The following SH3GL2 variants were observed in gnomAD, a reference collection of about 807,000 sequenced individuals.
The protein encoded by SH3GL2 is SH3 domain containing GRB2 like 2, endophilin A1.
Under a neutral mutation model 46.0 loss-of-function variants are expected in SH3GL2, and 24 were observed. The ratio of observed to expected loss-of-function variants is 0.52; its 90% CI spans 0.38 to 0.73. SH3GL2 has a LOEUF of 0.73. Ranked by LOEUF, SH3GL2 falls within the 30% of genes least tolerant of loss-of-function variation. The probability of loss-of-function intolerance (pLI) is 0.00; values close to 1 mark genes in which losing one functional copy is unlikely to be tolerated. For missense variants in SH3GL2, 413 were observed against 424.2 expected (o/e 0.97, Z 0.23); for synonymous variants, 196 against 147.1 (o/e 1.33, Z -2.40).
At chr9:17,581,431 C>T (rs969186108) in intron 1 of SH3GL2, among the ~76,000 whole-genome samples, 1 of 152,174 alleles carries the variant, frequency 6.6e-6, no homozygotes, top group Non-Finnish European at 1.5e-5. Flanking sequence ...AGTCTCTTAT[C>T]CATAATTTAG....
At chr9:17,676,672 T>C (rs78374518) in intron 1 of SH3GL2, among the ~76,000 whole-genome samples, 50 of 152,304 alleles carry the variant, frequency 3.3e-4, no homozygotes, top group African/African-American at 1.2e-3. Flanking sequence ...TACATAATTA[T>C]GCATCCCTGA....
chr9:17,605,068 G>A (rs1384306047), intron 1 of SH3GL2, among the ~76,000 whole-genome samples: 1 of 151,442 alleles, frequency 6.6e-6, no homozygotes, highest in Non-Finnish European at 1.5e-5. Context: ...AACTTCCTGG[G>A]CTCAAGTGAT....
At chr9:17,769,964 G>A (rs554036472) in intron 3 of SH3GL2, among the ~76,000 whole-genome samples, 1 of 152,234 alleles carries the variant, frequency 6.6e-6, no homozygotes, top group African/African-American at 2.4e-5. Flanking sequence ...CCAGTTCCTA[G>A]CACAGAGTTT....
At chr9:17,750,830 G>T (rs1257228932) in intron 2 of SH3GL2, among the ~76,000 whole-genome samples, 15 of 152,294 alleles carry the variant, frequency 9.8e-5, no homozygotes, top group Non-Finnish European at 1.5e-5. Context: ...GTGCCTCCAT[G>T]TTAAGGCAGT....
At chr9:17,744,705 A>G (rs1475879412) in intron 1 of SH3GL2, among the ~76,000 whole-genome samples, 1 of 152,056 alleles carries the variant, frequency 6.6e-6, no homozygotes, top group African/African-American at 2.4e-5. Flanking sequence ...CCCGCACCCA[A>G]TTTCTAGTTT....
intron 1 of SH3GL2, among the ~76,000 whole-genome samples, chr9:17,622,984 T>TCCTTTC (rs1186758217): frequency 8.6e-4 from 65 of 75,722 alleles, no homozygotes; most frequent in African/African-American, 2.6e-3. Context: ...TCGTTTCCTT[T>TCCTTTC]CGTTTCCTTT....
In SH3GL2 at chr9:17,703,116, A is replaced by G. The variant is rs1343172535; in HGVS notation, c.46-43950A>G. ...TCAAGCTCTTGAAGGAGGATTCAAC[A>G]GAGATGAAATGTGGAGGTAGTAGTA... is the stretch of plus-strand genomic sequence containing the variant. On this transcript the variant is annotated intron_variant, in intron 1 of 8. Transcript: ENST00000380607. 2.0e-5 allele frequency among the ~76,000 whole-genome samples: 3 copies of G among 152,064 alleles called. No individual in the cohort carries two copies. In the East Asian group the frequency reaches 5.8e-4, roughly 29 times the overall value.
Position 17,618,568 on chromosome 9 carries a change from A to G in SH3GL2, c.45+39281A>G, listed in dbSNP as rs189209825. ...TAAAACCTTGCCTGTGTTGATGTAA[A>G]GGTATTTATAGTCTTTATTTACCTG... On this transcript the variant is annotated intron_variant, in intron 1 of 8. Coordinates refer to ENST00000380607, the MANE Select transcript of SH3GL2 (RefSeq NM_003026.5). Among the ~76,000 whole-genome samples the G allele has an allele frequency of 5.7e-3, 874 of 152,260 alleles. 6 individuals are homozygous for G. Among genetic ancestry groups the G allele is most frequent in the Non-Finnish European group, 9.6e-3 (656 of 68,024 alleles).
chr9:17,679,108 A>G (rs575980634), intron 1 of SH3GL2, among the ~76,000 whole-genome samples: 1,873 of 152,082 alleles, frequency 0.012, 40 homozygotes, highest in African/African-American at 0.042. Context: ...TTGACTTGGC[A>G]ATGCGGGCTC....
rs148411387 is a variant in SH3GL2, at chr9:17,777,146, T to C, written c.188-9235T>C. ...TCTCATGCTTGTGTGCTTATGGAAATAAAGCATTTAGTCAGTAAAATATTG... is the reference window on the plus strand; with the variant it reads ...TCTCATGCTTGTGTGCTTATGGAAACAAAGCATTTAGTCAGTAAAATATTG... On this transcript the variant is annotated intron_variant, in intron 3 of 8. Transcript: ENST00000380607. Among the ~76,000 whole-genome samples the C allele has an allele frequency of 1.4e-3, 209 of 152,268 alleles. 1 individual carries two copies. The highest frequency in any genetic ancestry group is 5.0e-3 in the African/African-American group (206 of 41,556).
intron 1 of SH3GL2, among the ~76,000 whole-genome samples, chr9:17,737,554 A>C (rs1822377004): frequency 6.6e-6 from 1 of 152,046 alleles, no homozygotes; most frequent in African/African-American, 2.4e-5. Context: ...ACTGACTCTG[A>C]AATGATTGTT....
chr9:17,772,726 T>A (rs1357459342), intron 3 of SH3GL2, among the ~76,000 whole-genome samples: 1 of 152,204 alleles, frequency 6.6e-6, no homozygotes, highest in African/African-American at 2.4e-5. Context: ...TAGTGCAATT[T>A]TTATATAGAT....
intron 1 of SH3GL2, among the ~76,000 whole-genome samples, chr9:17,701,565 T>C (rs1266736536): frequency 1.3e-5 from 2 of 152,124 alleles, no homozygotes; most frequent in East Asian, 3.9e-4. Flanking sequence ...CCTAGAAAAC[T>C]TTATGGGAGC....
At chr9:17,692,536 C>G (rs1320896807) in intron 1 of SH3GL2, among the ~76,000 whole-genome samples, 1 of 151,694 alleles carries the variant, frequency 6.6e-6, no homozygotes, top group Non-Finnish European at 1.5e-5. Flanking sequence ...GTCCCAGCTA[C>G]TGGGAGGCTG....
In SH3GL2 at chr9:17,793,400, A is replaced by G. The variant is rs375414752; in HGVS notation, c.762A>G (p.Glu254=). 1,427 of 1,612,998 alleles carry G rather than the reference A, an allele frequency of 8.8e-4. 17 individuals carry two copies. The South Asian group carries it at 0.013, about 15-fold the overall frequency. The change falls in exon 8 of 9, where the codon GAA becomes GAG. Residue 254 remains glutamate (E), a synonymous_variant. Transcript: ENST00000380607. ...IRQASSQPRR[E]YQPKPRMSLE... is the part of the protein sequence containing the mutation. ...AGGCTTCATCTCAGCCTAGAAGGGA[A>G]TATCAACCTAAACCACGAATGAGCC...
intron 1 of SH3GL2, among the ~76,000 whole-genome samples, chr9:17,622,349 T>A (rs1819163235): frequency 1.3e-5 from 2 of 152,086 alleles, no homozygotes; most frequent in South Asian, 4.1e-4. Context: ...GCTTCCAATT[T>A]TTAGTCAGAA....
At chr9:17,723,015 C>G (rs1480593586) in intron 1 of SH3GL2, among the ~76,000 whole-genome samples, 2 of 152,132 alleles carry the variant, frequency 1.3e-5, no homozygotes, top group Non-Finnish European at 2.9e-5. Flanking sequence ...ATGACTAGCA[C>G]TGTACAGTCA....
At chr9:17,626,828 A>G (rs1471191772) in intron 1 of SH3GL2, among the ~76,000 whole-genome samples, 1 of 152,118 alleles carries the variant, frequency 6.6e-6, no homozygotes, top group Non-Finnish European at 1.5e-5. Context: ...CGTGTCTCTC[A>G]TAGATATCTG....
intron 3 of SH3GL2, among the ~76,000 whole-genome samples, chr9:17,778,288 G>A (rs1823702457): frequency 6.6e-6 from 1 of 152,152 alleles, no homozygotes; most frequent in South Asian, 2.1e-4. Context: ...CCCTGGGCAT[G>A]TATGAGTGAA....
Sources: allele counts gnomAD v4.1 joint callset (sites outside exome capture counted in the v4.1 genomes callset), GRCh38; gene constraint gnomAD v4.1.1; transcripts MANE v1.5; gene names NCBI Gene and HGNC (gene_info 2026-07-23, HGNC 2026-07-21).